Variants in CIITA observed in about 807,000 individuals in gnomAD.
The protein encoded by CIITA is class II major histocompatibility complex transactivator, also known as MHC class II transactivator.
In CIITA, 72 loss-of-function variants were observed where a neutral mutation model predicts 115.1. The ratio of observed to expected loss-of-function variants is 0.63; its 90% CI spans 0.52 to 0.76. The LOEUF (loss-of-function observed/expected upper bound fraction) is 0.76, where lower values mean the gene tolerates loss of function less well. Among genes scored for constraint, CIITA ranks in the 30% least tolerant of loss-of-function variants. The pLI is 0.00. For synonymous variants in CIITA, 763 were observed against 635.6 expected (o/e 1.20, Z -3.02); for missense variants, 1,617 against 1,463.8 (o/e 1.10, Z -1.71).
At chr16:10,914,907 G>T in intron 13 of CIITA, 2 of 358,278 alleles carry the variant, frequency 5.6e-6, no homozygotes, top group South Asian at 4.3e-5. Context: ...GTCGTCAGCT[G>T]GCATTTCAGG....
chr16:10,869,371 G>T (rs1567345436), intron 1 of CIITA, among the ~76,000 whole-genome samples: 1 of 152,140 alleles, frequency 6.6e-6, no homozygotes, highest in Non-Finnish European at 1.5e-5. Context: ...TCTGCCTGGA[G>T]CACTGTTCTC....
chr16:10,906,921 C>A lies in CIITA; in HGVS notation c.1429C>A (p.Leu477Ile), dbSNP rs150205851. The change falls in exon 11 of 20, where the codon CTC (leucine) becomes ATC (isoleucine). Residue 477 changes from leucine (L) to isoleucine (I), a missense_variant. Transcript: ENST00000324288. ...DLLFSLGPQP[L>I]VAADEVFSHI... is the part of the protein sequence containing the mutation. ...GCTCTTCTCCCTGGGCCCACAGCCACTCGTGGCGGCCGATGAGGTTTTCAG... is the reference window on the plus strand; with the variant it reads ...GCTCTTCTCCCTGGGCCCACAGCCAATCGTGGCGGCCGATGAGGTTTTCAG... 1,413 of 1,613,454 alleles carry A rather than the reference C, an allele frequency of 8.8e-4. 15 individuals carry two copies. In the African/African-American group the frequency reaches 0.016, roughly 19 times the overall value.
chr16:10,898,898 G>A, intron 4 of CIITA, 27 bp from the exon 5 acceptor site: 1 of 1,613,372 alleles, frequency 6.2e-7, no homozygotes, highest in Non-Finnish European at 8.5e-7. Context: ...GATTGTGTGA[G>A]TTGGTCTCTG....
intron 1 of CIITA, among the ~76,000 whole-genome samples, chr16:10,890,007 C>T (rs981718055): frequency 1.3e-5 from 2 of 152,188 alleles, no homozygotes; most frequent in Admixed American, 1.3e-4. Flanking sequence ...TTTGGGAACT[C>T]AGATGGTGTG....
In CIITA at chr16:10,923,342, T is replaced by C. The variant is rs1448848164; in HGVS notation, c.*22+17T>C. ...CTGGACAGGGTAACCAGGGTGGGCT[T>C]GGGAGGGGAGAGCCGCAGTGGGTTG... On this transcript the variant is annotated intron_variant, in intron 19 of 19. Coordinates refer to ENST00000324288, the MANE Select transcript of CIITA (RefSeq NM_000246.4). The surrounding 1 kb of genome is among the most constrained non-coding windows in gnomAD (Gnocchi z 5.2). The C allele has an allele frequency of 1.1e-6, 1 of 949,664 alleles. No homozygotes were observed. Among genetic ancestry groups the C allele is most frequent in the South Asian group, 1.3e-5 (1 of 77,870 alleles). The allele number at this position is 949,664 out of a possible 1,614,324, so 58.8% of individuals were successfully genotyped here. A position where few individuals can be genotyped will look rare whatever the true frequency, so the allele number is the denominator to read the frequency against.
rs1282756584 is a variant in CIITA at position 10,942,535 on chromosome 16, G to T, written n.1661G>T. ...CGCCCCCTGCACGCGCTAATTGGCC[G>T]GCTCAACGCCCGCGCTGATTGGCTC... On this transcript the variant is annotated non_coding_transcript_exon_variant, in exon 2 of 2. Coordinates refer to the CIITA transcript ENST00000573379. This position sits in a 1 kb window ranked among gnomAD's most constrained non-coding sequence, Gnocchi z 5.0. 2 of 152,248 alleles carry T rather than the reference G, an allele frequency of 1.3e-5. No homozygotes were observed. The highest frequency in any genetic ancestry group is 1.3e-4 in the Admixed American group (2 of 15,286). 9.4% of individuals were successfully genotyped at this position (152,248 alleles called of 1,614,324 possible).
rs1203954688 is a variant in CIITA at position 10,901,233 on chromosome 16, C to CTTTGT, written c.437-262_437-258dup. The stretch of plus-strand genomic sequence containing the variant: ...TAGGAAGCGGTTCAAAAGCAGGTTC[C>CTTTGT]TTTGTTTTGTTTTGTTTTGTTTTTT... On this transcript the variant is annotated intron_variant, in intron 5 of 19. Transcript: ENST00000324288. The surrounding 1 kb of genome is among the most constrained non-coding windows in gnomAD (Gnocchi z 6.8). Among the ~76,000 whole-genome samples, 14 of 152,240 alleles carry CTTTGT rather than the reference C, an allele frequency of 9.2e-5. No homozygotes were observed. Among genetic ancestry groups the CTTTGT allele is most frequent in the African/African-American group, 1.4e-4 (6 of 41,534 alleles).
intron 16 of CIITA, among the ~76,000 whole-genome samples, chr16:10,919,034 G>A (rs1346673105): frequency 2.0e-5 from 3 of 152,118 alleles, no homozygotes; most frequent in Non-Finnish European, 2.9e-5. Context: ...TTGGACCAGA[G>A]CCCCAGTCAT....
rs944483280 is a variant in CIITA, at chr16:10,920,860, C to T, written c.3150-1307C>T. Reference sequence around the variant, plus strand: ...TGAATCCACTTGGCAGCAGTGTAAACCTGCTGCATTTATTTATTTTTTTCT... The same window carrying T: ...TGAATCCACTTGGCAGCAGTGTAAATCTGCTGCATTTATTTATTTTTTTCT... On this transcript the variant is annotated intron_variant, in intron 16 of 19. Transcript: ENST00000324288. This position sits in a 1 kb window ranked among gnomAD's most constrained non-coding sequence, Gnocchi z 4.5. Among the ~76,000 whole-genome samples the T allele has an allele frequency of 2.0e-5, 3 of 152,138 alleles. No individual in the cohort carries two copies. The highest frequency in any genetic ancestry group is 4.4e-5 in the Non-Finnish European group (3 of 68,026).
upstream of CIITA, among the ~76,000 whole-genome samples, chr16:10,872,360 C>T (rs2035545566): frequency 1.3e-5 from 2 of 152,130 alleles, no homozygotes; most frequent in Admixed American, 6.6e-5. Flanking sequence ...TGACCTCAAG[C>T]AATCCACCCA....
upstream of CIITA, chr16:10,877,143 C>T (rs913874214): frequency 3.0e-6 from 2 of 658,196 alleles, no homozygotes; most frequent in Admixed American, 2.3e-5. Context: ...TTTGATGATC[C>T]CTCACTTGTT....
At chr16:10,900,613 A>ATGTG (rs1567401882) in intron 5 of CIITA, among the ~76,000 whole-genome samples, 2 of 151,828 alleles carry the variant, frequency 1.3e-5, no homozygotes, top group East Asian at 3.9e-4. Flanking sequence ...GGTGGCGAAC[A>ATGTG]CCTGTAATCC....
chr16:10,877,473 G>A lies in CIITA; in HGVS notation c.52+91G>A, dbSNP rs1045393682. 3 of 1,333,366 alleles carry A rather than the reference G, an allele frequency of 2.2e-6. No individual in the cohort carries two copies. The African/African-American group carries it at 4.4e-5, about 19-fold the overall frequency. 82.6% of individuals were successfully genotyped at this position (1,333,366 alleles called of 1,614,324 possible). On this transcript the variant is annotated intron_variant, in intron 1 of 19. Coordinates refer to ENST00000324288, the MANE Select transcript of CIITA (RefSeq NM_000246.4). Reference sequence around the variant, plus strand: ...AACAGAGAAACCATTCTGAATTGGGGATGGGGGTGAGGATGGGAACAGGAG... The same window carrying A: ...AACAGAGAAACCATTCTGAATTGGGAATGGGGGTGAGGATGGGAACAGGAG...
At chr16:10,918,577 G>C in intron 16 of CIITA, 51 bp downstream of exon 16, 2 of 1,530,280 alleles carry the variant, frequency 1.3e-6, no homozygotes, top group Non-Finnish European at 9.0e-7. Flanking sequence ...GGGCTGCAGA[G>C]CGCAGGGAAC....
rs1170910823 is a variant in CIITA, at chr16:10,927,127, C to G, written c.*3272C>G. On this transcript the variant is annotated 3_prime_UTR_variant, in exon 20 of 20. Coordinates refer to ENST00000324288, the MANE Select transcript of CIITA (RefSeq NM_000246.4). ...TAGGATTATGTGAAGGTGTGGTGAG[C>G]TAATACGTTAAGAATTGGAGCTCAA... 4 of 152,218 alleles carry G rather than the reference C, an allele frequency of 2.6e-5. No individual in the cohort carries two copies. The East Asian group carries it at 7.7e-4, about 29-fold the overall frequency. 9.4% of individuals were successfully genotyped at this position (152,218 alleles called of 1,614,324 possible).
intron 1 of CIITA, among the ~76,000 whole-genome samples, chr16:10,877,942 C>G (rs1358790265): frequency 1.3e-5 from 2 of 152,146 alleles, no homozygotes; most frequent in Non-Finnish European, 2.9e-5. Flanking sequence ...GTGCAGACAC[C>G]TGGCACCGGC....
At position 10,936,149 on chromosome 16, in the gene CIITA, C is replaced by G. The variant is rs2041014127; in HGVS notation, c.*12294C>G. The G allele has an allele frequency of 1.3e-5, 2 of 152,048 alleles. No individual in the cohort carries two copies. Among genetic ancestry groups the G allele is most frequent in the Middle Eastern group, 3.2e-3 (1 of 316 alleles). 9.4% of individuals were successfully genotyped at this position (152,048 alleles called of 1,614,324 possible). A position where few individuals can be genotyped will look rare whatever the true frequency, so the allele number is the denominator to read the frequency against. On this transcript the variant is annotated 3_prime_UTR_variant, in exon 20 of 20. Transcript: ENST00000324288. Reference sequence around the variant, plus strand: ...GGGACTATGGGCGTGTACCACAACACCTCGCTATTTTTTTTTTCCTACTTT... The same window carrying G: ...GGGACTATGGGCGTGTACCACAACAGCTCGCTATTTTTTTTTTCCTACTTT...
chr16:10,874,896 C>T (rs1349192124), upstream of CIITA, among the ~76,000 whole-genome samples: 4 of 152,196 alleles, frequency 2.6e-5, no homozygotes, highest in Non-Finnish European at 4.4e-5. Flanking sequence ...GACCTCAAGA[C>T]AGCTGAGCAG....
intron 1 of CIITA, among the ~76,000 whole-genome samples, chr16:10,868,581 T>C (rs1363547008): frequency 2.0e-5 from 3 of 152,192 alleles, no homozygotes; most frequent in Non-Finnish European, 2.9e-5. Flanking sequence ...CCTTGGCTTC[T>C]CAACAGGGGC....
Sources: gnomAD v4.1 joint callset for allele counts (sites outside exome capture counted in the v4.1 genomes callset) on GRCh38, gnomAD v4.1.1 for gene constraint, Gnocchi (gnomAD v3.1) non-coding constraint, MANE v1.5 for transcripts, NCBI Gene and HGNC (gene_info 2026-07-23, HGNC 2026-07-21) for gene names.